Variants in VTI1A observed in about 807,000 individuals in gnomAD.
VTI1A encodes the protein vesicle transport through interaction with t-SNAREs homolog 1A.
VTI1A carries 22 observed loss-of-function variants against 34.9 expected under a neutral mutation model. The observed-to-expected ratio is 0.63, with a 90% confidence interval of 0.45 to 0.90. The LOEUF (loss-of-function observed/expected upper bound fraction) is 0.90, where lower values mean the gene tolerates loss of function less well. Among genes scored for constraint, VTI1A ranks in the 40% least tolerant of loss-of-function variants. VTI1A has a pLI of 0.00. For missense variants in VTI1A, 268 were observed against 275.6 expected, an observed-to-expected ratio of 0.97 and a Z score of 0.20; for synonymous variants, 87 against 97.3, an observed-to-expected ratio of 0.89 and a Z score of 0.62.
At chr10:112,514,072 C>G (rs1262900999) in intron 3 of VTI1A, among the ~76,000 whole-genome samples, 1 of 151,864 alleles carries the variant, frequency 6.6e-6, no homozygotes, top group East Asian at 1.9e-4. Context: ...TGGAAGAGTT[C>G]GAGAAGAATT....
chr10:112,519,097 G>C (rs1849916073), intron 3 of VTI1A, among the ~76,000 whole-genome samples: 1 of 152,016 alleles, frequency 6.6e-6, no homozygotes, highest in Non-Finnish European at 1.5e-5. Context: ...ACACAGCATA[G>C]TCTATAATAA....
chr10:112,587,658 A>G (rs1464766796), intron 5 of VTI1A, among the ~76,000 whole-genome samples: 1 of 152,198 alleles, frequency 6.6e-6, no homozygotes, highest in African/African-American at 2.4e-5. Context: ...GACATTACCT[A>G]TGCCTGTTCC....
rs571460223 is a variant in VTI1A at position 112,758,281 on chromosome 10, C to T, written c.561-57009C>T. ...TCTCAAAACCCCCAGCCTGCACTTT[C>T]TTCTCATCATCTCTAAGGAGTATCT... On this transcript the variant is annotated intron_variant, in intron 7 of 7. Coordinates refer to ENST00000393077, the MANE Select transcript of VTI1A (RefSeq NM_145206.4). Among the ~76,000 whole-genome samples the T allele has an allele frequency of 6.6e-5, 10 of 152,236 alleles. No homozygotes were observed. The South Asian group carries it at 1.9e-3, about 28-fold the overall frequency.
At chr10:112,500,350 G>A (rs1179195020) in intron 3 of VTI1A, among the ~76,000 whole-genome samples, 1 of 151,854 alleles carries the variant, frequency 6.6e-6, no homozygotes, top group Non-Finnish European at 1.5e-5. Context: ...CAGGAGAATT[G>A]CTTGAACCCA....
chr10:112,544,575 G>C (rs1851001677), intron 5 of VTI1A, among the ~76,000 whole-genome samples: 1 of 151,652 alleles, frequency 6.6e-6, no homozygotes, highest in East Asian at 1.9e-4. Flanking sequence ...GTATTCAAGA[G>C]TAACGGCACC....
At chr10:112,450,179 A>G (rs1408483674) in intron 1 of VTI1A, 1 of 152,226 alleles carries the variant, frequency 6.6e-6, no homozygotes, top group Non-Finnish European at 1.5e-5. Flanking sequence ...GGCGTGAGCC[A>G]CCGCACCTGG....
the VTI1A span, among the ~76,000 whole-genome samples, chr10:112,854,434 C>T: frequency 1.4e-4 from 21 of 152,196 alleles, no homozygotes; most frequent in Non-Finnish European, 2.6e-4. Flanking sequence ...AGCCTGTGCT[C>T]TTAACCACTA....
chr10:112,470,525 T>G (rs1447134959), intron 3 of VTI1A, among the ~76,000 whole-genome samples: 1 of 152,168 alleles, frequency 6.6e-6, no homozygotes, highest in Admixed American at 6.5e-5. Flanking sequence ...TGTTGGAGCC[T>G]GGCAGGCAGC....
intron 7 of VTI1A, among the ~76,000 whole-genome samples, chr10:112,710,208 C>CT (rs36104889): frequency 0.39 from 52,621 of 136,284 alleles, 13,216 homozygotes; most frequent in African/African-American, 0.73. Context: ...CAGTTAATGT[C>CT]TTTTTTTTTT....
chr10:112,470,988 G>A (rs1005752821), intron 3 of VTI1A, among the ~76,000 whole-genome samples: 1 of 152,084 alleles, frequency 6.6e-6, no homozygotes, highest in Non-Finnish European at 1.5e-5. Flanking sequence ...GTCAGGGTGG[G>A]GGCGCTCAGA....
chr10:112,725,081 G>A (rs928724474), intron 7 of VTI1A, among the ~76,000 whole-genome samples: 1 of 152,182 alleles, frequency 6.6e-6, no homozygotes. Context: ...ACCTGTCTGG[G>A]TTCAGTATTT....
intron 7 of VTI1A, among the ~76,000 whole-genome samples, chr10:112,683,958 G>T (rs895882854): frequency 6.6e-6 from 1 of 151,838 alleles, no homozygotes; most frequent in Non-Finnish European, 1.5e-5. Flanking sequence ...CAGGAGAACC[G>T]CTTGAACCCG....
intron 7 of VTI1A, among the ~76,000 whole-genome samples, chr10:112,688,413 A>G (rs1008511050): frequency 4.6e-5 from 7 of 151,296 alleles, no homozygotes; most frequent in African/African-American, 1.7e-4. Flanking sequence ...CTTTTTATTC[A>G]TCTGTTGACA....
intron 7 of VTI1A, among the ~76,000 whole-genome samples, chr10:112,791,985 T>C (rs17130065): frequency 0.036 from 5,473 of 152,248 alleles, 138 homozygotes; most frequent in Middle Eastern, 0.088. Flanking sequence ...AATTAAAAAC[T>C]GTGGACTCGG....
chr10:112,554,258 A>G (rs1851467165), intron 5 of VTI1A, among the ~76,000 whole-genome samples: 1 of 152,210 alleles, frequency 6.6e-6, no homozygotes, highest in African/African-American at 2.4e-5. Context: ...AGCATATGCT[A>G]AAAGTACACT....
the VTI1A span, among the ~76,000 whole-genome samples, chr10:112,836,397 G>A: frequency 6.6e-6 from 1 of 152,160 alleles, no homozygotes; most frequent in Non-Finnish European, 1.5e-5. Context: ...TGACCTGCCC[G>A]AGGGCACACA....
chr10:112,814,955 T>A (rs1400421509), intron 7 of VTI1A, among the ~76,000 whole-genome samples: 1 of 151,856 alleles, frequency 6.6e-6, no homozygotes, highest in Admixed American at 6.6e-5. Context: ...AAAGAGAAGC[T>A]CGCAAGGGGC....
chr10:112,636,964 T>C (rs1846380497), intron 5 of VTI1A, among the ~76,000 whole-genome samples: 1 of 152,198 alleles, frequency 6.6e-6, no homozygotes, highest in Non-Finnish European at 1.5e-5. Context: ...ACATTTCTTA[T>C]GTATCAGAAG....
intron 5 of VTI1A, among the ~76,000 whole-genome samples, chr10:112,644,502 G>A (rs1048168262): frequency 6.6e-6 from 1 of 151,324 alleles, no homozygotes; most frequent in East Asian, 1.9e-4. Flanking sequence ...TTTAAGCTTT[G>A]AATAGTTTTA....
Sources: allele counts gnomAD v4.1 joint callset (sites outside exome capture counted in the v4.1 genomes callset), GRCh38; gene constraint gnomAD v4.1.1; transcripts MANE v1.5; gene names NCBI Gene and HGNC (gene_info 2026-07-23, HGNC 2026-07-21).